CNTN3: variants seen among roughly 807,000 people sequenced by gnomAD.
CNTN3 encodes contactin-3.
CNTN3 carries 60 observed loss-of-function variants against 119.1 expected under a neutral mutation model. The observed-to-expected ratio is 0.50, with a 90% confidence interval of 0.41 to 0.62. The LOEUF is 0.62. Among genes scored for constraint, CNTN3 ranks in the 20% least tolerant of loss-of-function variants. CNTN3 has a pLI of 0.00. For missense variants in CNTN3, 1,101 were observed against 1,242.4 expected, an observed-to-expected ratio of 0.89 and a Z score of 1.71; for synonymous variants, 450 against 438.7, an observed-to-expected ratio of 1.03 and a Z score of -0.32.
chr3:74,606,947 T>C (rs373493256), intron 1 of CNTN3, among the ~76,000 whole-genome samples: 2 of 152,128 alleles, frequency 1.3e-5, no homozygotes, highest in East Asian at 1.9e-4. Flanking sequence ...TATATCTCCA[T>C]ATTACATATG....
rs1249505883 is a variant in CNTN3 at position 74,589,458 on chromosome 3, CA to C, written c.-81+24932del. On this transcript the variant is annotated intron_variant, in intron 1 of 22. Coordinates refer to ENST00000263665, the MANE Select transcript of CNTN3 (RefSeq NM_020872.3). Reference sequence around the variant, plus strand: ...CAATCATTAAAAAGTCAGGAAACAACAGGTGCTGGAGAGGATGTGGAGAAAT... The same window carrying C: ...CAATCATTAAAAAGTCAGGAAACAACGGTGCTGGAGAGGATGTGGAGAAAT... 4.1e-5 allele frequency among the ~76,000 whole-genome samples: 6 copies of C among 147,526 alleles called. No individual in the cohort carries two copies. The East Asian group carries it at 1.2e-3, about 30-fold the overall frequency.
intron 5 of CNTN3, among the ~76,000 whole-genome samples, chr3:74,419,387 T>C (rs932268066): frequency 1.1e-5 from 1 of 92,430 alleles, no homozygotes; most frequent in African/African-American, 4.1e-5. Context: ...AGTCTATCCA[T>C]CTTGGGTAAA....
chr3:74,336,879 C>G (rs970493620), intron 11 of CNTN3, among the ~76,000 whole-genome samples: 1 of 151,900 alleles, frequency 6.6e-6, no homozygotes, highest in Admixed American at 6.6e-5. Flanking sequence ...GATGCTCCAC[C>G]AATTTGAACT....
chr3:74,319,825 A>C (rs1375132440), intron 13 of CNTN3, among the ~76,000 whole-genome samples: 2 of 151,984 alleles, frequency 1.3e-5, no homozygotes, highest in Non-Finnish European at 2.9e-5. Flanking sequence ...TACAAAAAAA[A>C]AAACAAACAA....
chr3:74,519,593 A>G (rs571560370), intron 2 of CNTN3, among the ~76,000 whole-genome samples: 1 of 151,884 alleles, frequency 6.6e-6, no homozygotes, highest in Admixed American at 6.6e-5. Context: ...ACAAAATTTC[A>G]TATCATAAAC....
chr3:74,470,017 C>T (rs564190563), intron 4 of CNTN3, among the ~76,000 whole-genome samples: 7 of 152,246 alleles, frequency 4.6e-5, no homozygotes, highest in South Asian at 2.1e-4. Context: ...GAATATTATT[C>T]GGCAATAAAC....
chr3:74,321,582 C>A (rs868220246), intron 13 of CNTN3, among the ~76,000 whole-genome samples: 14 of 151,988 alleles, frequency 9.2e-5, no homozygotes, highest in South Asian at 4.2e-4. Context: ...TTGAAAACTG[C>A]AAGTCAACAA....
chr3:74,532,558 A>G (rs1703707927), intron 1 of CNTN3, among the ~76,000 whole-genome samples: 1 of 152,046 alleles, frequency 6.6e-6, no homozygotes, highest in Non-Finnish European at 1.5e-5. Flanking sequence ...CAATATGGCA[A>G]CAGTTGACTT....
intron 4 of CNTN3, among the ~76,000 whole-genome samples, chr3:74,454,806 A>G (rs1356471118): frequency 6.6e-6 from 1 of 151,888 alleles, no homozygotes; most frequent in Admixed American, 6.6e-5. Flanking sequence ...TCTGGGTTGA[A>G]AATTCTTTTA....
In CNTN3 at chr3:74,538,442, C is replaced by A. The variant is rs115292008; in HGVS notation, c.-80-17250G>T. On this transcript the variant is annotated intron_variant, in intron 1 of 22. Transcript: ENST00000263665. ...TCTCTCCCTGTGTATGCCTCCTGAG[C>A]CCAATTATTTGCAGGGTCAGAGATC... Among the ~76,000 whole-genome samples the A allele has an allele frequency of 6.4e-3, 968 of 152,140 alleles. 10 individuals carry two copies. The highest frequency in any genetic ancestry group is 0.021 in the African/African-American group (874 of 41,520).
chr3:74,465,567 C>T (rs1055771145), intron 4 of CNTN3, among the ~76,000 whole-genome samples: 9 of 152,108 alleles, frequency 5.9e-5, no homozygotes, highest in Admixed American at 5.9e-4. Flanking sequence ...GGATTGTTTC[C>T]ATTTCTTCTT....
chr3:74,415,235 C>T (rs779332031), intron 5 of CNTN3, among the ~76,000 whole-genome samples: 1 of 152,160 alleles, frequency 6.6e-6, no homozygotes, highest in Admixed American at 6.6e-5. Context: ...AACTGGAAGG[C>T]GGAAGTGTGA....
At chr3:74,490,913 T>A (rs1220506754) in intron 3 of CNTN3, among the ~76,000 whole-genome samples, 1 of 152,202 alleles carries the variant, frequency 6.6e-6, no homozygotes, top group East Asian at 1.9e-4. Context: ...ATATAATTAT[T>A]TTTCTCCTGC....
chr3:74,358,532 G>A (rs1703994766), intron 11 of CNTN3, among the ~76,000 whole-genome samples: 1 of 150,700 alleles, frequency 6.6e-6, no homozygotes, highest in Non-Finnish European at 1.5e-5. Context: ...ATAAGGAAGA[G>A]TGTTGTATGG....
chr3:74,289,388 T>TCGC (rs1395827646), intron 19 of CNTN3, among the ~76,000 whole-genome samples: 2 of 152,202 alleles, frequency 1.3e-5, no homozygotes, highest in East Asian at 1.9e-4. Context: ...CGGCAATGCA[T>TCGC]TTCAACCTGT....
At chr3:74,510,092 A>G (rs2107101968) in intron 2 of CNTN3, among the ~76,000 whole-genome samples, 1 of 151,492 alleles carries the variant, frequency 6.6e-6, no homozygotes, top group Admixed American at 6.6e-5. Context: ...TTGTCTGGGA[A>G]TCTCCCTGGG....
Position 74,579,839 on chromosome 3 carries a change from G to A in CNTN3, c.-81+34552C>T, listed in dbSNP as rs1195852590. Among the ~76,000 whole-genome samples, 8 of 152,054 alleles carry A rather than the reference G, an allele frequency of 5.3e-5. No individual in the cohort carries two copies. The East Asian group carries it at 1.2e-3, about 22-fold the overall frequency. ...TTCTAAATCAACAATCGGAGCTCTC[G>A]CTTTAGGAACAAAAGAAGAGGAACA... On this transcript the variant is annotated intron_variant, in intron 1 of 22. Transcript: ENST00000263665.
chr3:74,471,110 T>G (rs1702553768), intron 4 of CNTN3, among the ~76,000 whole-genome samples: 1 of 152,052 alleles, frequency 6.6e-6, no homozygotes, highest in South Asian at 2.1e-4. Flanking sequence ...CTCTTGACAT[T>G]GTGATCCGCC....
intron 1 of CNTN3, among the ~76,000 whole-genome samples, chr3:74,523,540 T>C (rs1345173690): frequency 6.6e-6 from 1 of 151,876 alleles, no homozygotes; most frequent in Non-Finnish European, 1.5e-5. Context: ...TACTTCCTTC[T>C]TCACAGAAGT....
Sources: allele counts gnomAD v4.1 joint callset (sites outside exome capture counted in the v4.1 genomes callset), GRCh38; gene constraint gnomAD v4.1.1; transcripts MANE v1.5; gene names NCBI Gene and HGNC (gene_info 2026-07-23, HGNC 2026-07-21).